Variants in ARHGAP20 observed in about 807,000 individuals in gnomAD.
ARHGAP20 encodes the protein rho GTPase-activating protein 20.
In ARHGAP20, 34 loss-of-function variants were observed where a neutral mutation model predicts 73.7. That is an observed-to-expected ratio of 0.46 (90% CI 0.35 to 0.61). ARHGAP20 has a LOEUF of 0.61. ARHGAP20 is among the 20% of genes least tolerant of loss of function. The pLI is 0.00. For missense variants in ARHGAP20, 1,314 were observed against 1,420.9 expected (o/e 0.92, Z 1.21); for synonymous variants, 523 against 518.2 (o/e 1.01, Z -0.13).
At position 110,579,449 on chromosome 11, in the gene ARHGAP20, A is replaced by G. The variant is rs1170783833; in HGVS notation, c.3497T>C (p.Leu1166Pro). Residue 1166 changes from leucine (L) to proline (P), a missense_variant, in exon 15 of 15, where the codon CTA (leucine) becomes CCA (proline). Transcript: ENST00000683387. Reference sequence around the variant, plus strand: ...TGAGTCTGGGCTGGTCGCATCCTCTAGAGTCCAAGAGCTGGCTGAGGCTCT... The same window carrying G: ...TGAGTCTGGGCTGGTCGCATCCTCTGGAGTCCAAGAGCTGGCTGAGGCTCT... Reference protein sequence around the residue: ...WERASASSWTLEDATSPDSGP... With the variant: ...WERASASSWTPEDATSPDSGP... 6.2e-7 allele frequency: 1 copy of G among 1,614,128 alleles called. No individual in the cohort carries two copies.
intron 11 of ARHGAP20, among the ~76,000 whole-genome samples, chr11:110,587,999 G>A (rs1947715954): frequency 6.6e-6 from 1 of 152,174 alleles, no homozygotes; most frequent in Non-Finnish European, 1.5e-5. Context: ...ATTTCAAAAT[G>A]TGGTAGGGAC....
Position 110,633,428 on chromosome 11 carries a change from T to C in ARHGAP20, c.189-2636A>G, listed in dbSNP as rs551639801. Among the ~76,000 whole-genome samples, 283 of 152,334 alleles carry C rather than the reference T, an allele frequency of 1.9e-3. 4 individuals are homozygous for C. The highest frequency in any genetic ancestry group is 6.4e-3 in the African/African-American group (266 of 41,584). Reference sequence around the variant, plus strand: ...ACACTGTCTTACTGTTCTATGTTTATAGTAAATCATAAAGTTACGTAGTGT... The same window carrying C: ...ACACTGTCTTACTGTTCTATGTTTACAGTAAATCATAAAGTTACGTAGTGT... On this transcript the variant is annotated intron_variant, in intron 2 of 14. Transcript: ENST00000683387.
intron 9 of ARHGAP20, 91 bp from the exon 10 acceptor site, chr11:110,592,246 G>T: frequency 8.2e-7 from 1 of 1,223,218 alleles, no homozygotes; most frequent in Admixed American, 2.4e-5. Context: ...TTGTTGCTAT[G>T]GCTCAAAGAG....
chr11:110,669,051 T>G (rs1184137967), intron 2 of ARHGAP20, among the ~76,000 whole-genome samples: 4 of 152,050 alleles, frequency 2.6e-5, no homozygotes, highest in Non-Finnish European at 5.9e-5. Flanking sequence ...AATTTTGACT[T>G]TGGATATAGA....
chr11:110,671,959 T>C (rs146958593), intron 2 of ARHGAP20, among the ~76,000 whole-genome samples: 2 of 152,294 alleles, frequency 1.3e-5, no homozygotes, highest in African/African-American at 4.8e-5. Flanking sequence ...GAAATTGCAG[T>C]TGATACTGCA....
At chr11:110,612,767 T>C (rs1948398423) in intron 6 of ARHGAP20, among the ~76,000 whole-genome samples, 2 of 152,220 alleles carry the variant, frequency 1.3e-5, no homozygotes, top group African/African-American at 2.4e-5. Flanking sequence ...TATGACAAAT[T>C]GCCTCTAAAA....
chr11:110,614,516 T>C (rs1948440785), intron 6 of ARHGAP20, 45 bp downstream of exon 6: 1 of 1,531,108 alleles, frequency 6.5e-7, no homozygotes, highest in African/African-American at 1.4e-5. Flanking sequence ...TGTTCTGTCT[T>C]ATGCAGGGAC....
chr11:110,614,336 T>C (rs1180902835), intron 6 of ARHGAP20, among the ~76,000 whole-genome samples: 1 of 152,230 alleles, frequency 6.6e-6, no homozygotes, highest in Non-Finnish European at 1.5e-5. Context: ...GTAGTTCATA[T>C]GAATTTCTCT....
intron 2 of ARHGAP20, among the ~76,000 whole-genome samples, chr11:110,660,087 C>G (rs2135040203): frequency 7.5e-6 from 1 of 133,244 alleles, no homozygotes. Flanking sequence ...AAGAAAATAC[C>G]CTAGGTCAGT....
At chr11:110,627,196 CTCGTGCCTCAG>C (rs893301347) in intron 3 of ARHGAP20, among the ~76,000 whole-genome samples, 1 of 152,128 alleles carries the variant, frequency 6.6e-6, no homozygotes, top group Non-Finnish European at 1.5e-5. Context: ...TCAAGTGATT[CTCGTGCCTCAG>C]CCTCCTGAGT....
At chr11:110,594,992 C>T (rs4462383) in intron 9 of ARHGAP20, among the ~76,000 whole-genome samples, 27,626 of 149,596 alleles carry the variant, frequency 0.18, 2,781 homozygotes, top group East Asian at 0.31. Flanking sequence ...GTTCAACATA[C>T]GCAAATCAAT....
chr11:110,642,722 T>C (rs1949102325), intron 2 of ARHGAP20, among the ~76,000 whole-genome samples: 1 of 152,158 alleles, frequency 6.6e-6, no homozygotes, highest in Admixed American at 6.6e-5. Context: ...TCTATGTTCC[T>C]CAAGGATATT....
chr11:110,706,127 T>G (rs1326664419), intron 1 of ARHGAP20, among the ~76,000 whole-genome samples: 1 of 152,128 alleles, frequency 6.6e-6, no homozygotes, highest in Non-Finnish European at 1.5e-5. Flanking sequence ...TATACTCTTT[T>G]TTTCAATTGA....
In ARHGAP20 at chr11:110,643,997, A is replaced by G. The variant is rs561615352; in HGVS notation, c.189-13205T>C. Among the ~76,000 whole-genome samples the G allele has an allele frequency of 1.1e-4, 17 of 152,220 alleles. No homozygotes were observed. In the South Asian group the frequency reaches 2.1e-3, roughly 19 times the overall value. On this transcript the variant is annotated intron_variant, in intron 2 of 14. Coordinates refer to ENST00000683387, the MANE Select transcript of ARHGAP20 (RefSeq NM_001384657.1). ...ATAGTGAATTGAACCCTTTATCATT[A>G]TAGCATTTCTATACAACAATGAGCA... is the stretch of plus-strand genomic sequence containing the variant.
chr11:110,598,195 T>TA (rs1418963288), intron 9 of ARHGAP20, among the ~76,000 whole-genome samples: 2 of 135,574 alleles, frequency 1.5e-5, no homozygotes, highest in East Asian at 4.3e-4. Flanking sequence ...TCCCCTAGAG[T>TA]AAAAAACACA....
chr11:110,688,138 C>A (rs911297264), intron 2 of ARHGAP20, among the ~76,000 whole-genome samples: 1 of 152,070 alleles, frequency 6.6e-6, no homozygotes, highest in African/African-American at 2.4e-5. Flanking sequence ...ATGCAGGAAC[C>A]CACCATTCTT....
At chr11:110,610,906 CT>C (rs1451445322) in intron 7 of ARHGAP20, among the ~76,000 whole-genome samples, 2 of 151,946 alleles carry the variant, frequency 1.3e-5, no homozygotes, top group Non-Finnish European at 2.9e-5. Context: ...CATCCTAAGA[CT>C]GATTGAGTCT....
chr11:110,624,452 AGAGCT>A, intron 3 of ARHGAP20, 141 bp from the exon 4 acceptor site: 5 of 584,296 alleles, frequency 8.6e-6, no homozygotes, highest in Non-Finnish European at 1.4e-5. Flanking sequence ...CATAAGAGTG[AGAGCT>A]GAACATTGAG....
chr11:110,677,613 C>A (rs1949958369), intron 2 of ARHGAP20, among the ~76,000 whole-genome samples: 1 of 152,098 alleles, frequency 6.6e-6, no homozygotes, highest in Admixed American at 6.5e-5. Context: ...CCTCTGCACT[C>A]CAGCCTGAGT....
Sources: gnomAD v4.1 joint callset for allele counts (sites outside exome capture counted in the v4.1 genomes callset) on GRCh38, gnomAD v4.1.1 for gene constraint, MANE v1.5 for transcripts, NCBI Gene and HGNC (gene_info 2026-07-23, HGNC 2026-07-21) for gene names.